Variants in SDK2 observed in about 807,000 individuals in gnomAD.
SDK2 encodes the protein sidekick cell adhesion molecule 2.
SDK2 carries 105 observed loss-of-function variants against 253.9 expected under a neutral mutation model. That is an observed-to-expected ratio of 0.41 (90% CI 0.35 to 0.49). The LOEUF (loss-of-function observed/expected upper bound fraction) is 0.49, where lower values mean the gene tolerates loss of function less well. Among genes scored for constraint, SDK2 ranks in the 20% least tolerant of loss-of-function variants. The pLI, the probability that SDK2 is intolerant of heterozygous loss-of-function variation, is 0.06. For synonymous variants in SDK2, 1,249 were observed against 1,234.9 expected (o/e 1.01, Z -0.24); for missense variants, 2,608 against 3,003.0 (o/e 0.87, Z 3.07).
chr17:73,438,118 G>T lies in SDK2; in HGVS notation c.762C>A (p.Asp254Glu). 2 of 1,551,642 alleles carry T rather than the reference G, an allele frequency of 1.3e-6. No individual in the cohort carries two copies. The highest frequency in any genetic ancestry group is 2.7e-5 in the African/African-American group (2 of 73,176). The part of the protein sequence containing the change: ...LIKLHIIWKK[D>E]GVLLSGGISD... Reference sequence around the variant, plus strand: ...TGATGCCGCCCGACAGCAATACCCCGTCCTTCTTCCAAATGATATGTAGCT... The same window carrying T: ...TGATGCCGCCCGACAGCAATACCCCTTCCTTCTTCCAAATGATATGTAGCT... The change falls in exon 7 of 45, where the codon GAC (aspartate) becomes GAA (glutamate). Residue 254 changes from aspartate (D) to glutamate (E), a missense_variant. Transcript: ENST00000392650.
intron 1 of SDK2, among the ~76,000 whole-genome samples, chr17:73,586,407 C>A (rs929918502): frequency 6.6e-6 from 1 of 152,172 alleles, no homozygotes; most frequent in African/African-American, 2.4e-5. Context: ...CTCGCTGAGA[C>A]CAAGAGCGTA....
intron 12 of SDK2, among the ~76,000 whole-genome samples, chr17:73,428,280 G>T (rs1387758542): frequency 6.6e-6 from 1 of 152,090 alleles, no homozygotes; most frequent in African/African-American, 2.4e-5. Flanking sequence ...TGGACAGGAT[G>T]GTCTCCATCT....
chr17:73,612,928 A>C lies in SDK2; in HGVS notation c.64+31097T>G, dbSNP rs117469638. On this transcript the variant is annotated intron_variant, in intron 1 of 44. Transcript: ENST00000392650. The surrounding 1 kb of genome is among the most constrained non-coding windows in gnomAD (Gnocchi z 4.4). ...CGAGACTCCGTCTCAAATAATAATA[A>C]TAATAATAATAGTAATGGTAATAAT... Among the ~76,000 whole-genome samples, 1 of 152,022 alleles carries C rather than the reference A, an allele frequency of 6.6e-6. No homozygotes were observed. The highest frequency in any genetic ancestry group is 6.5e-5 in the Admixed American group (1 of 15,278).
intron 5 of SDK2, among the ~76,000 whole-genome samples, chr17:73,441,571 G>A (rs2063416467): frequency 6.6e-6 from 1 of 152,200 alleles, no homozygotes. Flanking sequence ...GTGAAGAGAT[G>A]TGGCCACAAG....
rs1355569283 is a variant in SDK2, at chr17:73,383,697, G to C, written c.4705+179C>G. Among the ~76,000 whole-genome samples, 1 of 152,222 alleles carries C rather than the reference G, an allele frequency of 6.6e-6. No homozygotes were observed. The highest frequency in any genetic ancestry group is 1.5e-5 in the Non-Finnish European group (1 of 68,042). On this transcript the variant is annotated intron_variant, in intron 33 of 44. Coordinates refer to ENST00000392650, the MANE Select transcript of SDK2 (RefSeq NM_001144952.2). The surrounding 1 kb of genome is among the most constrained non-coding windows in gnomAD (Gnocchi z 4.3). ...CACAGTGACTCGGGGCCCATAGAAGGTGCTCAGTAAATATTCAGTAAATGA... is the reference window on the plus strand; with the variant it reads ...CACAGTGACTCGGGGCCCATAGAAGCTGCTCAGTAAATATTCAGTAAATGA...
At chr17:73,424,642 C>T (rs1000132543) in intron 12 of SDK2, among the ~76,000 whole-genome samples, 1 of 152,220 alleles carries the variant, frequency 6.6e-6, no homozygotes, top group African/African-American at 2.4e-5. Context: ...AATATCTTCT[C>T]TGAATTTGTT....
Position 73,395,453 on chromosome 17 carries a change from A to T in SDK2, c.3355-61T>A. 2.2e-6 allele frequency: 3 copies of T among 1,390,316 alleles called. No individual in the cohort carries two copies. Among genetic ancestry groups the T allele is most frequent in the Non-Finnish European group, 3.0e-6 (3 of 984,254 alleles). 86.1% of individuals were successfully genotyped at this position (1,390,316 alleles called of 1,614,324 possible). A position where few individuals can be genotyped will look rare whatever the true frequency, so the allele number is the denominator to read the frequency against. On this transcript the variant is annotated intron_variant, in intron 24 of 44. Transcript: ENST00000392650. The surrounding 1 kb of genome is among the most constrained non-coding windows in gnomAD (Gnocchi z 4.3). Reference sequence around the variant, plus strand: ...CCAGGCCCCCCACTGTGCAGGGAGGAACTGCCCTGCTACCCTCTCCTCCAG... The same window carrying T: ...CCAGGCCCCCCACTGTGCAGGGAGGTACTGCCCTGCTACCCTCTCCTCCAG...
At chr17:73,532,810 G>A (rs185491167) in intron 1 of SDK2, among the ~76,000 whole-genome samples, 117 of 152,100 alleles carry the variant, frequency 7.7e-4, no homozygotes, top group Non-Finnish European at 9.1e-4. Context: ...ATCTCACCGT[G>A]GCCATGGCCC....
At chr17:73,556,580 C>T (rs2145844789) in intron 1 of SDK2, among the ~76,000 whole-genome samples, 1 of 152,378 alleles carries the variant, frequency 6.6e-6, no homozygotes, top group South Asian at 2.1e-4. Context: ...TTTAAGCACA[C>T]ATTTTAGGAA....
chr17:73,542,620 C>A (rs2044887237), intron 1 of SDK2, among the ~76,000 whole-genome samples: 1 of 151,994 alleles, frequency 6.6e-6, no homozygotes, highest in Non-Finnish European at 1.5e-5. Context: ...GGAGGCAGGG[C>A]AGGATTATGA....
chr17:73,407,978 A>G (rs993280310), intron 18 of SDK2, among the ~76,000 whole-genome samples: 5 of 152,088 alleles, frequency 3.3e-5, no homozygotes, highest in African/African-American at 1.2e-4. Flanking sequence ...ACTTCACAGT[A>G]AGAGAGACAG....
At chr17:73,458,728 G>A (rs2063545357) in intron 3 of SDK2, among the ~76,000 whole-genome samples, 2 of 152,272 alleles carry the variant, frequency 1.3e-5, no homozygotes, top group South Asian at 4.1e-4. Flanking sequence ...CCCCTTGGCC[G>A]GGTGCAGTGG....
intron 36 of SDK2, among the ~76,000 whole-genome samples, chr17:73,375,496 C>T (rs1421085071): frequency 6.6e-6 from 1 of 152,154 alleles, no homozygotes; most frequent in East Asian, 1.9e-4. Context: ...ATCCACCCAC[C>T]TCGGCCTTTC....
rs534442991 is a variant in SDK2, at chr17:73,428,761, C to T, written c.1583+1750G>A. Among the ~76,000 whole-genome samples, 14 of 152,222 alleles carry T rather than the reference C, an allele frequency of 9.2e-5. No individual in the cohort carries two copies. The East Asian group carries it at 2.3e-3, about 25-fold the overall frequency. On this transcript the variant is annotated intron_variant, in intron 12 of 44. Transcript: ENST00000392650. The stretch of plus-strand genomic sequence containing the variant: ...AGACGGAGGGTAGAAGGGATGTCCC[C>T]GTCCCCCCAGTCCAAGGAAGACAGA...
At chr17:73,579,056 C>T (rs2045497179) in intron 1 of SDK2, among the ~76,000 whole-genome samples, 1 of 152,088 alleles carries the variant, frequency 6.6e-6, no homozygotes, top group Admixed American at 6.5e-5. Flanking sequence ...CTCCCTTCCC[C>T]TCGGCATCCT....
Position 73,639,661 on chromosome 17 carries a change from C to G in SDK2, c.64+4364G>C, listed in dbSNP as rs186017220. On this transcript the variant is annotated intron_variant, in intron 1 of 44. Transcript: ENST00000392650. The surrounding 1 kb of genome is among the most constrained non-coding windows in gnomAD (Gnocchi z 4.3). ...AAACCCCGCAGGGCGCACACTAACA[C>G]CCGACATCAATTCCAACTCAGCCTC... Among the ~76,000 whole-genome samples the G allele has an allele frequency of 1.8e-4, 28 of 152,270 alleles. No homozygotes were observed. Among genetic ancestry groups the G allele is most frequent in the African/African-American group, 6.5e-4 (27 of 41,548 alleles).
chr17:73,554,251 G>T (rs2045109328), intron 1 of SDK2, among the ~76,000 whole-genome samples: 1 of 152,134 alleles, frequency 6.6e-6, no homozygotes, highest in South Asian at 2.1e-4. Flanking sequence ...TTATGTAAAG[G>T]CACCTAGATG....
chr17:73,624,232 G>A (rs1000472198), intron 1 of SDK2, among the ~76,000 whole-genome samples: 2 of 152,240 alleles, frequency 1.3e-5, no homozygotes, highest in East Asian at 3.9e-4. Flanking sequence ...GGTAGCTCAC[G>A]CCTGTAACCC....
intron 4 of SDK2, among the ~76,000 whole-genome samples, chr17:73,449,871 C>T (rs1392852399): frequency 2.0e-5 from 3 of 151,946 alleles, no homozygotes; most frequent in African/African-American, 4.8e-5. Flanking sequence ...TGCGGCCAGC[C>T]GAGGTCGCAC....
Sources: gnomAD v4.1 joint callset for allele counts (sites outside exome capture counted in the v4.1 genomes callset) on GRCh38, gnomAD v4.1.1 for gene constraint, Gnocchi (gnomAD v3.1) non-coding constraint, MANE v1.5 for transcripts, NCBI Gene and HGNC (gene_info 2026-07-23, HGNC 2026-07-21) for gene names.